ZFR2: variants seen among roughly 807,000 people sequenced by gnomAD.
ZFR2 encodes zinc finger RNA-binding protein 2.
Under a neutral mutation model 105.7 loss-of-function variants are expected in ZFR2, and 104 were observed. The ratio of observed to expected loss-of-function variants is 0.98; its 90% CI spans 0.84 to 1.16. The LOEUF (loss-of-function observed/expected upper bound fraction) is 1.16. Ranked by LOEUF, ZFR2 falls within the 50% of genes most tolerant of loss-of-function variation. The probability of loss-of-function intolerance (pLI) is 0.00; values close to 1 mark genes in which losing one functional copy is unlikely to be tolerated. For missense variants in ZFR2, 1,425 were observed against 1,355.5 expected, an observed-to-expected ratio of 1.05 and a Z score of -0.80; for synonymous variants, 634 against 597.7, an observed-to-expected ratio of 1.06 and a Z score of -0.89.
chr19:3,857,139 G>C (rs988288100), intron 1 of ZFR2: 1 of 134,070 alleles, frequency 7.5e-6, no homozygotes, highest in African/African-American at 2.9e-5. Context: ...CCAGGCTGGA[G>C]TGCAGTGGCA....
At chr19:3,843,934 CAGA>C (rs2038160297) in intron 1 of ZFR2, among the ~76,000 whole-genome samples, 1 of 144,666 alleles carries the variant, frequency 6.9e-6, no homozygotes, top group East Asian at 2.0e-4. Flanking sequence ...AAGCCAGGCA[CAGA>C]AGGACAAATC....
chr19:3,823,975 A>G lies in ZFR2; in HGVS notation c.1214-572T>C, dbSNP rs1463140230. Among the ~76,000 whole-genome samples, 1 of 152,064 alleles carries G rather than the reference A, an allele frequency of 6.6e-6. No homozygotes were observed. ...CACCGTTTACGGCTTTTCCATCTAC[A>G]CATTGGGACTGGTGACAACATTGAC... On this transcript the variant is annotated intron_variant, in intron 7 of 18. Coordinates refer to ENST00000262961, the MANE Select transcript of ZFR2 (RefSeq NM_015174.2). This position sits in a 1 kb window ranked among gnomAD's most constrained non-coding sequence, Gnocchi z 5.4.
chr19:3,857,887 G>C (rs1053044793), intron 1 of ZFR2, among the ~76,000 whole-genome samples: 2 of 152,046 alleles, frequency 1.3e-5, no homozygotes, highest in African/African-American at 4.8e-5. Context: ...TGCCTGCCTG[G>C]GAGGGGAGAA....
At chr19:3,849,233 G>C (rs1421250223) in intron 1 of ZFR2, among the ~76,000 whole-genome samples, 1 of 152,118 alleles carries the variant, frequency 6.6e-6, no homozygotes, top group Non-Finnish European at 1.5e-5. Context: ...CTTCAGCCCA[G>C]GACCCCAAGG....
chr19:3,831,409 T>A lies in ZFR2; in HGVS notation c.746A>T (p.Asp249Val), dbSNP rs1200285970. Residue 249 changes from aspartate to valine, a missense_variant, in exon 5 of 19, where the codon GAC (aspartate) becomes GTC (valine). Physicochemically the swap from Asp to Val is radical, Grantham distance 152 (BLOSUM62 -3). Transcript: ENST00000262961. ...PAGSGSSPRA[D>V]SKPPLPSKLP... ...CTTGCTGGGAAGCGGTGGCTTCGAG[T>A]CGGCCCTGGGGCTGCTTCCTGAGCC... 4 of 1,555,060 alleles carry A rather than the reference T, an allele frequency of 2.6e-6. No individual in the cohort carries two copies. The highest frequency in any genetic ancestry group is 3.5e-6 in the Non-Finnish European group (4 of 1,151,436).
Position 3,821,413 on chromosome 19 carries a change from C to T in ZFR2, c.1558G>A (p.Glu520Lys). 6.2e-7 allele frequency: 1 copy of T among 1,611,158 alleles called. No individual in the cohort carries two copies. Among genetic ancestry groups the T allele is most frequent in the Non-Finnish European group, 8.5e-7 (1 of 1,178,736 alleles). ...PSSRARKVLE[E>K]RMRKQRHLAE... ...AGGTGCCGCTGCTTCCTCATGCGCT[C>T]CTCCAGGACCTTCCGAGCCCGGCTG... is the stretch of plus-strand genomic sequence containing the variant. The change falls in exon 10 of 19, where the codon GAG becomes AAG. Residue 520 changes from glutamate to lysine, a missense_variant. Physicochemically the swap from Glu to Lys is moderately conservative, Grantham distance 56. Coordinates refer to ENST00000262961, the MANE Select transcript of ZFR2 (RefSeq NM_015174.2).
intron 3 of ZFR2, among the ~76,000 whole-genome samples, chr19:3,832,447 G>A (rs979151804): frequency 1.3e-5 from 2 of 151,144 alleles, no homozygotes; most frequent in Admixed American, 6.6e-5. Flanking sequence ...TCAGCCTCCC[G>A]AATAGCTGGG....
Position 3,805,832 on chromosome 19 carries a change from G to A in ZFR2, c.*117C>T, listed in dbSNP as rs565184141. On this transcript the variant is annotated 3_prime_UTR_variant, in exon 19 of 19. Coordinates refer to ENST00000262961, the MANE Select transcript of ZFR2 (RefSeq NM_015174.2). ...GTGTTTTAAAGGAAACCTACAGAGC[G>A]TTACTCAAAAGGAAATGACCATTGT... 3.2e-5 allele frequency: 39 copies of A among 1,213,690 alleles called. No homozygotes were observed. The South Asian group carries it at 5.0e-4, about 16-fold the overall frequency. 75.2% of individuals were successfully genotyped at this position (1,213,690 alleles called of 1,614,324 possible). A position where few individuals can be genotyped will look rare whatever the true frequency, so the allele number is the denominator to read the frequency against.
intron 1 of ZFR2, chr19:3,855,615 T>C (rs2038288673): frequency 2.2e-6 from 1 of 448,782 alleles, no homozygotes; most frequent in Non-Finnish European, 3.7e-6. Context: ...CGCGATCTGA[T>C]GGTTCTCATG....
At chr19:3,849,049 T>C (rs1396290297) in intron 1 of ZFR2, among the ~76,000 whole-genome samples, 2 of 152,140 alleles carry the variant, frequency 1.3e-5, no homozygotes, top group Non-Finnish European at 2.9e-5. Flanking sequence ...CACAAAGCGT[T>C]CAGTACTAGA....
rs2038098693 is a variant in ZFR2 at position 3,838,185 on chromosome 19, A to T, written c.54-3202T>A. ...ACACTCGATGAACACCATGACCGTG[A>T]CACCCGATGAACATCCCGACAATAC... On this transcript the variant is annotated intron_variant, in intron 1 of 18. Transcript: ENST00000262961. The surrounding 1 kb of genome is among the most constrained non-coding windows in gnomAD (Gnocchi z 4.9). Among the ~76,000 whole-genome samples the T allele has an allele frequency of 6.6e-6, 1 of 152,042 alleles. No individual in the cohort carries two copies.
At chr19:3,816,868 G>A (rs1288457178) in intron 12 of ZFR2, 23 bp from the exon 13 acceptor site, 67 of 1,535,838 alleles carry the variant, frequency 4.4e-5, no homozygotes, top group South Asian at 2.4e-4. Context: ...AGCCACAGAC[G>A]TGCGCCATCA....
At position 3,839,536 on chromosome 19, in the gene ZFR2, C is replaced by CAAAA. The variant is rs60712587; in HGVS notation, c.54-4557_54-4554dup. Reference sequence around the variant, plus strand: ...CCTGGGTGACAGAGCGGGATTCTGTCAAAAAAAAAAAAAAAAAAAAAAAAA... The same window carrying CAAAA: ...CCTGGGTGACAGAGCGGGATTCTGTCAAAAAAAAAAAAAAAAAAAAAAAAAAAAA... On this transcript the variant is annotated intron_variant, in intron 1 of 18. Transcript: ENST00000262961. 2.3e-3 allele frequency among the ~76,000 whole-genome samples: 85 copies of CAAAA among 36,634 alleles called. 17 individuals carry two copies. The highest frequency in any genetic ancestry group is 3.6e-3 in the Non-Finnish European group (73 of 20,062). The allele number at this position is 36,634 out of a possible 152,430, so 24.0% of individuals were successfully genotyped here. A position where few individuals can be genotyped will look rare whatever the true frequency, so the allele number is the denominator to read the frequency against.
intron 1 of ZFR2, among the ~76,000 whole-genome samples, chr19:3,861,334 A>G (rs12462914): frequency 0.51 from 77,163 of 152,070 alleles, 19,722 homozygotes; most frequent in East Asian, 0.54. Context: ...GCAACTTTAA[A>G]ATTAAAGTTG....
chr19:3,811,253 C>T lies in ZFR2; in HGVS notation c.2337+19G>A, dbSNP rs1214313073. ...TCAAAGTCACCCCTCTCCCCCTGCT[C>T]CACCCCTGCCCCCCTGACCTGAAAC... is the stretch of plus-strand genomic sequence containing the variant. On this transcript the variant is annotated intron_variant, in intron 15 of 18. Transcript: ENST00000262961. The T allele has an allele frequency of 6.4e-7, 1 of 1,552,268 alleles. No homozygotes were observed. The highest frequency in any genetic ancestry group is 8.7e-7 in the Non-Finnish European group (1 of 1,149,780).
intron 6 of ZFR2, among the ~76,000 whole-genome samples, chr19:3,826,113 C>T (rs920686992): frequency 1.3e-5 from 2 of 152,140 alleles, no homozygotes; most frequent in Non-Finnish European, 2.9e-5. Context: ...TCTGCCCCAC[C>T]GGCCCCTAGC....
At chr19:3,835,244 G>A (rs555129011) in intron 1 of ZFR2, among the ~76,000 whole-genome samples, 135 of 152,322 alleles carry the variant, frequency 8.9e-4, no homozygotes, top group Middle Eastern at 3.4e-3. Context: ...GCTGGGACTC[G>A]AACCCATCTG....
chr19:3,805,852 C>G lies in ZFR2; in HGVS notation c.*97G>C. 1 of 1,337,260 alleles carries G rather than the reference C, an allele frequency of 7.5e-7. No homozygotes were observed. Among genetic ancestry groups the G allele is most frequent in the Non-Finnish European group, 9.8e-7 (1 of 1,018,714 alleles). The allele number at this position is 1,337,260 out of a possible 1,614,324, so 82.8% of individuals were successfully genotyped here. A position where few individuals can be genotyped will look rare whatever the true frequency, so the allele number is the denominator to read the frequency against. ...AGAGCGTTACTCAAAAGGAAATGAC[C>G]ATTGTCCAACGTCGGGGATGAAGCA... is the stretch of plus-strand genomic sequence containing the variant. On this transcript the variant is annotated 3_prime_UTR_variant, in exon 19 of 19. Transcript: ENST00000262961.
At position 3,819,086 on chromosome 19, in the gene ZFR2, CTCGGCCAGTGTG is replaced by C; in HGVS notation, c.1878_1889del (p.Asp626_Ala629del). Reference sequence around the variant, plus strand: ...CTTCCTCTCGGCGGCCCCGGTCCTCCTCGGCCAGTGTGTCGGACACCAGCTTGAGGGCCCGCT... The same window carrying C: ...CTTCCTCTCGGCGGCCCCGGTCCTCCTCGGACACCAGCTTGAGGGCCCGCT... On this transcript the variant is annotated inframe_deletion, in exon 12 of 19. Transcript: ENST00000262961. 6.2e-7 allele frequency: 1 copy of C among 1,612,414 alleles called. No homozygotes were observed.
Sources: allele counts gnomAD v4.1 joint callset (sites outside exome capture counted in the v4.1 genomes callset), GRCh38; gene constraint gnomAD v4.1.1; non-coding constraint Gnocchi (gnomAD v3.1); transcripts MANE v1.5; gene names NCBI Gene and HGNC (gene_info 2026-07-23, HGNC 2026-07-21).